LMF1: variants seen among roughly 807,000 people sequenced by gnomAD.
LMF1 encodes the protein lipase maturation factor 1, also known as transmembrane protein 112.
LMF1 carries 68 observed loss-of-function variants against 60.6 expected under a neutral mutation model. That is an observed-to-expected ratio of 1.12 (90% confidence interval 0.92 to 1.37). The LOEUF (loss-of-function observed/expected upper bound fraction) is 1.37. Ranked by LOEUF, LMF1 falls within the 40% of genes most tolerant of loss-of-function variation. The pLI is 0.00. For synonymous variants in LMF1, 418 were observed against 324.7 expected (o/e 1.29, Z -3.09); for missense variants, 948 against 767.2 (o/e 1.24, Z -2.78).
At chr16:947,688 T>C (rs1158391087) in intron 2 of LMF1, 1 of 426,730 alleles carries the variant, frequency 2.3e-6, no homozygotes, top group East Asian at 7.1e-5. Context: ...ATGGCGGTGC[T>C]GCCGTGCTGA....
chr16:888,894 C>G (rs62013771), intron 5 of LMF1, among the ~76,000 whole-genome samples: 15,004 of 152,138 alleles, frequency 0.099, 1,225 homozygotes, highest in African/African-American at 0.22. Context: ...GAGGCAGAGG[C>G]GTCCTCAGCT....
At chr16:920,522 C>T (rs1159831382) in intron 3 of LMF1, among the ~76,000 whole-genome samples, 1 of 152,164 alleles carries the variant, frequency 6.6e-6, no homozygotes, top group African/African-American at 2.4e-5. Flanking sequence ...GCAGTGAACA[C>T]GAAGACATAG....
chr16:855,263 G>C (rs779305166), intron 10 of LMF1: 4 of 246,658 alleles, frequency 1.6e-5, no homozygotes, highest in African/African-American at 4.5e-5. Flanking sequence ...GCCCTTCCCT[G>C]CCTGAGACGT....
intron 1 of LMF1, chr16:977,108 GA>G: frequency 2.2e-6 from 1 of 454,092 alleles, no homozygotes; most frequent in Non-Finnish European, 4.4e-6. Context: ...AAGGTGCCAA[GA>G]AAGACTCACT....
intron 3 of LMF1, among the ~76,000 whole-genome samples, chr16:914,694 GAC>G (rs2071228364): frequency 3.6e-4 from 2 of 5,522 alleles, no homozygotes; most frequent in Non-Finnish European, 6.5e-4. Context: ...GACCATTGGT[GAC>G]ACACTCCCTC....
Position 913,131 on chromosome 16 carries a change from C to T in LMF1, c.515-2052G>A, listed in dbSNP as rs1021593400. Among the ~76,000 whole-genome samples the T allele has an allele frequency of 3.3e-5, 5 of 152,368 alleles. No individual in the cohort carries two copies. The East Asian group carries it at 7.7e-4, about 24-fold the overall frequency. ...TGCCTGCTGGGCGCCAGCATCTGCACGCCCTGCTCTTCCCCAGGGACCTCC... is the reference window on the plus strand; with the variant it reads ...TGCCTGCTGGGCGCCAGCATCTGCATGCCCTGCTCTTCCCCAGGGACCTCC... On this transcript the variant is annotated intron_variant, in intron 3 of 10. Coordinates refer to ENST00000262301, the MANE Select transcript of LMF1 (RefSeq NM_022773.4).
intron 2 of LMF1, among the ~76,000 whole-genome samples, chr16:938,317 C>A (rs1359053695): frequency 1.8e-5 from 2 of 111,486 alleles, no homozygotes; most frequent in East Asian, 2.4e-4. Context: ...AGGGACAGGG[C>A]TGGATGGTGG....
chr16:859,135 T>C (rs1311612060), intron 10 of LMF1, among the ~76,000 whole-genome samples: 1 of 125,826 alleles, frequency 7.9e-6, no homozygotes, highest in Non-Finnish European at 1.6e-5. Context: ...TGTGCACTGA[T>C]GTCACGGGAC....
rs770550114 is a variant in LMF1 at position 962,853 on chromosome 16, C to A, written c.193+7935G>T. On this transcript the variant is annotated intron_variant, in intron 1 of 10. Coordinates refer to ENST00000262301, the MANE Select transcript of LMF1 (RefSeq NM_022773.4). This position sits in a 1 kb window ranked among gnomAD's most constrained non-coding sequence, Gnocchi z 4.5. ...AAAATTTTAAAAAGTAAAGGTTTCT[C>A]GAAGACTCTGCACCACTCAGTGCCC... Among the ~76,000 whole-genome samples, 4 of 152,150 alleles carry A rather than the reference C, an allele frequency of 2.6e-5. No individual in the cohort carries two copies. Among genetic ancestry groups the A allele is most frequent in the Non-Finnish European group, 5.9e-5 (4 of 68,028 alleles).
intron 5 of LMF1, among the ~76,000 whole-genome samples, chr16:882,562 G>A (rs1226632666): frequency 6.6e-6 from 1 of 152,236 alleles, no homozygotes; most frequent in Non-Finnish European, 1.5e-5. Context: ...GACCCCACCT[G>A]ACACCACGTG....
chr16:921,097 CCAT>C (rs916013477), intron 3 of LMF1: 19 of 152,404 alleles, frequency 1.2e-4, no homozygotes, highest in African/African-American at 4.3e-4. Flanking sequence ...AGAACGGGCC[CCAT>C]CACAGACTGC....
intron 3 of LMF1, among the ~76,000 whole-genome samples, chr16:929,997 A>G (rs995753604): frequency 1.3e-5 from 2 of 150,524 alleles, no homozygotes; most frequent in African/African-American, 4.9e-5. Context: ...TGGGACACAG[A>G]GCCCAGGACA....
Position 962,468 on chromosome 16 carries a change from G to T in LMF1, c.194-7802C>A, listed in dbSNP as rs994744640. ...GCGGGAAAGCAGGGACCTGTCAGAGGGCACACCTGGCAGGCAGACCTTGGC... is the reference window on the plus strand; with the variant it reads ...GCGGGAAAGCAGGGACCTGTCAGAGTGCACACCTGGCAGGCAGACCTTGGC... On this transcript the variant is annotated intron_variant, in intron 1 of 10. Coordinates refer to ENST00000262301, the MANE Select transcript of LMF1 (RefSeq NM_022773.4). The surrounding 1 kb of genome is among the most constrained non-coding windows in gnomAD (Gnocchi z 4.5). 6.6e-6 allele frequency among the ~76,000 whole-genome samples: 1 copy of T among 152,176 alleles called. No individual in the cohort carries two copies. The highest frequency in any genetic ancestry group is 2.4e-5 in the African/African-American group (1 of 41,428).
chr16:954,275 TTCCAAGTGCCAGGACA>T, intron 2 of LMF1, 66 bp downstream of exon 2: 1 of 1,368,164 alleles, frequency 7.3e-7, no homozygotes, highest in Non-Finnish European at 1.0e-6. Context: ...CGTCCAGTCT[TTCCAAGTGCCAGGACA>T]CCTGCAGTGC....
At chr16:913,433 C>T (rs779332645) in intron 3 of LMF1, among the ~76,000 whole-genome samples, 3 of 152,264 alleles carry the variant, frequency 2.0e-5, no homozygotes, top group African/African-American at 4.8e-5. Flanking sequence ...GAGCCCTGCC[C>T]GCTGGACAGG....
chr16:876,122 G>A lies in LMF1; in HGVS notation c.897+3448C>T, dbSNP rs2069964877. On this transcript the variant is annotated intron_variant, in intron 6 of 10. Coordinates refer to ENST00000262301, the MANE Select transcript of LMF1 (RefSeq NM_022773.4). ...ACATGTGCCCGGGGCTCCGTCTGTT[G>A]CCCTTCAGAGGCTGAGTGGAGAAAC... Among the ~76,000 whole-genome samples the A allele has an allele frequency of 1.3e-5, 2 of 152,268 alleles. 1 individual carries two copies. The highest frequency in any genetic ancestry group is 4.1e-4 in the South Asian group (2 of 4,836).
At chr16:954,969 CAT>C (rs71142790) in intron 1 of LMF1, among the ~76,000 whole-genome samples, 4,269 of 133,130 alleles carry the variant, frequency 0.032, 122 homozygotes, top group South Asian at 0.057. Flanking sequence ...CACACACACA[CAT>C]ATCTAAGTGA....
At chr16:979,117 C>G (rs935097710) in intron 1 of LMF1, 8 of 453,440 alleles carry the variant, frequency 1.8e-5, no homozygotes, top group Non-Finnish European at 3.5e-5. Context: ...GTGCCTGGCA[C>G]ACAGCAAGTG....
At chr16:888,770 G>A (rs954271081) in intron 5 of LMF1, among the ~76,000 whole-genome samples, 1 of 152,162 alleles carries the variant, frequency 6.6e-6, no homozygotes, top group African/African-American at 2.4e-5. Context: ...GCAGTGTGTG[G>A]GGAGAGCGAG....
Sources: gnomAD v4.1 joint callset for allele counts (sites outside exome capture counted in the v4.1 genomes callset) on GRCh38, gnomAD v4.1.1 for gene constraint, Gnocchi (gnomAD v3.1) non-coding constraint, MANE v1.5 for transcripts, NCBI Gene and HGNC (gene_info 2026-07-23, HGNC 2026-07-21) for gene names.